Variants in SEL1L observed in about 807,000 individuals in gnomAD.
SEL1L encodes the protein protein sel-1 homolog 1.
Under a neutral mutation model 109.8 loss-of-function variants are expected in SEL1L, and 52 were observed. The ratio of observed to expected loss-of-function variants is 0.47; its 90% CI spans 0.38 to 0.60. SEL1L has a LOEUF of 0.60. Ranked by LOEUF, SEL1L falls within the 20% of genes least tolerant of loss-of-function variation. SEL1L has a pLI of 0.00. For synonymous variants in SEL1L, 373 were observed against 339.6 expected (o/e 1.10, Z -1.08); for missense variants, 749 against 962.2 (o/e 0.78, Z 2.93).
Position 81,472,648 on chromosome 14 carries a change from G to T in SEL1L, c.*4324C>A, listed in dbSNP as rs759061748. On this transcript the variant is annotated 3_prime_UTR_variant, in exon 21 of 21. Transcript: ENST00000336735. ...TTATAATCAGGCTAAAGTGAATCAC[G>T]CTTACTACATATCAAGGCTGCTTCA... 9.3e-6 allele frequency: 4 copies of T among 427,872 alleles called. No homozygotes were observed. Among genetic ancestry groups the T allele is most frequent in the Non-Finnish European group, 1.8e-5 (4 of 219,178 alleles). 26.5% of individuals were successfully genotyped at this position (427,872 alleles called of 1,614,324 possible). A position where few individuals can be genotyped will look rare whatever the true frequency, so the allele number is the denominator to read the frequency against.
chr14:81,533,755 G>C lies in SEL1L; in HGVS notation c.-11C>G, dbSNP rs1373249441. ...TATCCGGACCCGCATCCTCCTCTCG[G>C]GGCCGGTGCCAACCCCTAGAGCTGT... On this transcript the variant is annotated 5_prime_UTR_variant, in exon 1 of 21. Coordinates refer to ENST00000336735, the MANE Select transcript of SEL1L (RefSeq NM_005065.6). 1 of 1,612,386 alleles carries C rather than the reference G, an allele frequency of 6.2e-7. No individual in the cohort carries two copies. Among genetic ancestry groups the C allele is most frequent in the African/African-American group, 1.3e-5 (1 of 74,916 alleles).
intron 3 of SEL1L, among the ~76,000 whole-genome samples, chr14:81,516,998 GT>G (rs1336948431): frequency 3.3e-5 from 5 of 152,172 alleles, no homozygotes; most frequent in Admixed American, 6.5e-5. Context: ...CCTGGGGATG[GT>G]TTAGGGGTTC....
At chr14:81,504,024 C>T (rs951691297) in intron 5 of SEL1L, among the ~76,000 whole-genome samples, 177 bp downstream of exon 5, 26 of 152,090 alleles carry the variant, frequency 1.7e-4, no homozygotes, top group African/African-American at 6.3e-4. Flanking sequence ...TTTACCTTAA[C>T]TAAAGTGTGG....
chr14:81,513,619 C>T (rs1056950330), intron 3 of SEL1L, among the ~76,000 whole-genome samples: 2 of 152,160 alleles, frequency 1.3e-5, no homozygotes, highest in African/African-American at 2.4e-5. Context: ...AGACCCCTTT[C>T]GTTTGCTATT....
chr14:81,499,235 C>A (rs1415913948), intron 8 of SEL1L: 3 of 1,222,246 alleles, frequency 2.5e-6, no homozygotes, highest in Non-Finnish European at 2.0e-6. Context: ...GGGCAATCAG[C>A]CAAACTAATC....
chr14:81,487,357 TC>T, intron 16 of SEL1L, 32 bp downstream of exon 16: 1 of 1,534,238 alleles, frequency 6.5e-7, no homozygotes, highest in Non-Finnish European at 8.7e-7. Context: ...GCAAATCAAC[TC>T]CCTACACACA....
chr14:81,519,208 C>T (rs558821488), intron 3 of SEL1L, among the ~76,000 whole-genome samples: 2 of 152,180 alleles, frequency 1.3e-5, no homozygotes, highest in African/African-American at 2.4e-5. Context: ...TTAAGCACTC[C>T]GTGTGACTCC....
chr14:81,510,173 G>T (rs147835293), intron 3 of SEL1L, among the ~76,000 whole-genome samples: 1 of 152,184 alleles, frequency 6.6e-6, no homozygotes. Flanking sequence ...ATCAGGAACC[G>T]ACCAGGTATT....
rs1198966720 is a variant in SEL1L at position 81,474,404 on chromosome 14, A to G, written c.*2568T>C. On this transcript the variant is annotated 3_prime_UTR_variant, in exon 21 of 21. Transcript: ENST00000336735. ...GTTCGAAGGCAGGAAGACAGACTAGAAAAGGTCTTAGGAGAGATGGGCTAC... is the reference window on the plus strand; with the variant it reads ...GTTCGAAGGCAGGAAGACAGACTAGGAAAGGTCTTAGGAGAGATGGGCTAC... 1.3e-5 allele frequency: 2 copies of G among 152,204 alleles called. No homozygotes were observed. Among genetic ancestry groups the G allele is most frequent in the Admixed American group, 6.5e-5 (1 of 15,284 alleles). The allele number at this position is 152,204 out of a possible 1,614,324, so 9.4% of individuals were successfully genotyped here.
intron 2 of SEL1L, 145 bp downstream of exon 2, chr14:81,527,552 GAACT>G: frequency 3.9e-6 from 2 of 511,882 alleles, no homozygotes; most frequent in Non-Finnish European, 6.7e-6. Flanking sequence ...AGAAAAACTA[GAACT>G]AATACTAATA....
chr14:81,498,403 A>G lies in SEL1L; in HGVS notation c.973+10T>C. The G allele has an allele frequency of 6.2e-7, 1 of 1,603,700 alleles. No homozygotes were observed. Among genetic ancestry groups the G allele is most frequent in the Non-Finnish European group, 8.5e-7 (1 of 1,173,744 alleles). On this transcript the variant is annotated intron_variant, in intron 9 of 20. Transcript: ENST00000336735. ...TTTTTCCTAAAAGGTAAAAGGGGAAACATAGATACCATGATTGGCAACAAG... is the reference window on the plus strand; with the variant it reads ...TTTTTCCTAAAAGGTAAAAGGGGAAGCATAGATACCATGATTGGCAACAAG...
chr14:81,478,212 G>A (rs944822825), intron 20 of SEL1L, among the ~76,000 whole-genome samples: 1 of 151,980 alleles, frequency 6.6e-6, no homozygotes, highest in African/African-American at 2.4e-5. Flanking sequence ...GTAGGTACAG[G>A]TGCTAAATTT....
intron 5 of SEL1L, 28 bp downstream of exon 5, chr14:81,504,173 G>T: frequency 2.1e-6 from 3 of 1,401,076 alleles, no homozygotes; most frequent in South Asian, 1.4e-5. Context: ...TGTCATGGGG[G>T]AAAAGTGGAC....
chr14:81,487,764 T>C (rs1182845183), intron 15 of SEL1L, 91 bp downstream of exon 15: 43 of 1,563,720 alleles, frequency 2.7e-5, no homozygotes, highest in Admixed American at 4.1e-5. Flanking sequence ...CAGAATTTGA[T>C]AGCACCCATT....
chr14:81,526,773 T>C lies in SEL1L; in HGVS notation c.300A>G (p.Glu100=). The change falls in exon 3 of 21, where the codon GAA becomes GAG. Residue 100 remains glutamate (E), a synonymous_variant. Coordinates refer to ENST00000336735, the MANE Select transcript of SEL1L (RefSeq NM_005065.6). ...DISFLESPNP[E]NKDYEEPKKV... is the part of the protein sequence containing the mutation. ...TCTTTGGCTCTTCATAGTCCTTGTT[T>C]TCTGGATTTGGAGACTCTAGAAAGC... The C allele has an allele frequency of 6.2e-7, 1 of 1,609,290 alleles. No homozygotes were observed. The highest frequency in any genetic ancestry group is 8.5e-7 in the Non-Finnish European group (1 of 1,178,798).
chr14:81,489,495 C>A (rs1034330496), intron 13 of SEL1L, among the ~76,000 whole-genome samples, 181 bp from the exon 14 acceptor site: 3 of 152,206 alleles, frequency 2.0e-5, no homozygotes, highest in African/African-American at 7.2e-5. Flanking sequence ...TTTTAGACAT[C>A]TGGGGGCTTT....
chr14:81,478,893 A>G (rs199700826), intron 20 of SEL1L, among the ~76,000 whole-genome samples: 1 of 152,236 alleles, frequency 6.6e-6, no homozygotes, highest in East Asian at 1.9e-4. Flanking sequence ...CTGGTCCTGA[A>G]GAAACTTTCC....
At position 81,479,645 on chromosome 14, in the gene SEL1L, G is replaced by A. The variant is rs377102177; in HGVS notation, c.2142C>T (p.Val714=). 24 of 1,613,576 alleles carry A rather than the reference G, an allele frequency of 1.5e-5. No individual in the cohort carries two copies. The highest frequency in any genetic ancestry group is 1.1e-4 in the African/African-American group (8 of 75,002). Residue 714 remains valine, a synonymous_variant, in exon 20 of 21, where the codon GTC becomes GTT. Coordinates refer to ENST00000336735, the MANE Select transcript of SEL1L (RefSeq NM_005065.6). ...CCCGTATGTACTGCAAGAAATAGAC[G>A]ACGCCCAATTTGCAGAGGGCTAGGA... The part of the protein sequence containing the change: ...PVFLALCKLG[V]VYFLQYIRET...
intron 1 of SEL1L, among the ~76,000 whole-genome samples, chr14:81,530,574 G>A (rs1566630216): frequency 6.6e-6 from 1 of 152,076 alleles, no homozygotes; most frequent in Admixed American, 6.5e-5. Flanking sequence ...AAAAAAAAAG[G>A]TTAAGCCATT....
Sources: allele counts gnomAD v4.1 joint callset (sites outside exome capture counted in the v4.1 genomes callset), GRCh38; gene constraint gnomAD v4.1.1; transcripts MANE v1.5; gene names NCBI Gene and HGNC (gene_info 2026-07-23, HGNC 2026-07-21).